The following EXOC6B variants were observed in gnomAD, a reference collection of about 807,000 sequenced individuals.
EXOC6B encodes the protein exocyst complex component 6B, also known as SEC15 homolog B.
A neutral mutation model predicts 113.5 loss-of-function variants in EXOC6B; 54 were observed. The observed-to-expected ratio is 0.48, with a 90% CI of 0.38 to 0.60. The LOEUF is 0.60. Among genes scored for constraint, EXOC6B ranks in the 20% least tolerant of loss-of-function variants. EXOC6B has a pLI of 0.00. For missense variants in EXOC6B, 797 were observed against 977.5 expected (o/e 0.82, Z 2.46); for synonymous variants, 357 against 339.0 (o/e 1.05, Z -0.58).
At chr2:72,455,602 T>C (rs535222105) in intron 18 of EXOC6B, among the ~76,000 whole-genome samples, 1 of 152,312 alleles carries the variant, frequency 6.6e-6, no homozygotes, top group East Asian at 1.9e-4. Context: ...ATGAATAGTT[T>C]TTGACACAAT....
chr2:72,704,538 A>G (rs1045924586), intron 6 of EXOC6B, among the ~76,000 whole-genome samples: 7 of 151,712 alleles, frequency 4.6e-5, no homozygotes, highest in African/African-American at 9.7e-5. Flanking sequence ...TGAATCCAGG[A>G]GCTGGTTTTT....
Position 72,514,626 on chromosome 2 carries a change from A to ACC in EXOC6B, c.1046+7_1046+8insGG. ...AATAAATATATATATATATATATATATACCTACCCTACAATTTGATTAAAA... is the reference window on the plus strand; with the variant it reads ...AATAAATATATATATATATATATATACCTACCTACCCTACAATTTGATTAAAA... On this transcript the variant is annotated splice_region_variant and intron_variant, in intron 10 of 21. Transcript: ENST00000272427. The ACC allele has an allele frequency of 3.0e-6, 2 of 662,948 alleles. No individual in the cohort carries two copies. Among genetic ancestry groups the ACC allele is most frequent in the Non-Finnish European group, 4.9e-6 (2 of 408,850 alleles). The allele number at this position is 662,948 out of a possible 1,614,324, so 41.1% of individuals were successfully genotyped here.
intron 6 of EXOC6B, among the ~76,000 whole-genome samples, chr2:72,615,472 A>T (rs1241609165): frequency 6.6e-6 from 1 of 151,988 alleles, no homozygotes; most frequent in African/African-American, 2.4e-5. Context: ...ATAGGTTCAG[A>T]GCTACTCCAG....
intron 17 of EXOC6B, among the ~76,000 whole-genome samples, chr2:72,477,391 T>G (rs540438722): frequency 4.6e-5 from 7 of 152,272 alleles, no homozygotes; most frequent in African/African-American, 1.7e-4. Flanking sequence ...ACACACCCAA[T>G]CTAGTACTAA....
chr2:72,812,706 TA>T (rs1397634411), intron 1 of EXOC6B, among the ~76,000 whole-genome samples: 2 of 151,578 alleles, frequency 1.3e-5, no homozygotes, highest in African/African-American at 4.8e-5. Context: ...AATAAATAAA[TA>T]AAAATTTATA....
intron 20 of EXOC6B, among the ~76,000 whole-genome samples, chr2:72,280,989 TA>T (rs1432082728): frequency 3.3e-5 from 5 of 151,902 alleles, no homozygotes; most frequent in Non-Finnish European, 7.4e-5. Flanking sequence ...AGAAAATGGC[TA>T]AAAAATAGAG....
intron 20 of EXOC6B, among the ~76,000 whole-genome samples, chr2:72,334,636 T>C (rs1245101959): frequency 6.6e-6 from 1 of 152,156 alleles, no homozygotes; most frequent in Non-Finnish European, 1.5e-5. Context: ...GAGTTATCTT[T>C]TTGCTATGTC....
intron 20 of EXOC6B, among the ~76,000 whole-genome samples, chr2:72,317,019 G>A (rs2104812449): frequency 6.6e-6 from 1 of 152,286 alleles, no homozygotes; most frequent in African/African-American, 2.4e-5. Flanking sequence ...CTTACATGGG[G>A]AAGAGTGACA....
At chr2:72,375,437 G>A (rs758406758) in intron 19 of EXOC6B, among the ~76,000 whole-genome samples, 2 of 151,958 alleles carry the variant, frequency 1.3e-5, no homozygotes, top group South Asian at 2.1e-4. Context: ...AAATTTAGAA[G>A]AACTGAAATT....
chr2:72,728,444 A>C (rs551060614), intron 5 of EXOC6B, among the ~76,000 whole-genome samples: 2 of 152,224 alleles, frequency 1.3e-5, no homozygotes, highest in Non-Finnish European at 2.9e-5. Context: ...ACTGTCTGTC[A>C]TAACTACTGG....
At chr2:72,511,217 A>G (rs904485792) in intron 11 of EXOC6B, among the ~76,000 whole-genome samples, 1 of 152,146 alleles carries the variant, frequency 6.6e-6, no homozygotes, top group Non-Finnish European at 1.5e-5. Context: ...TCAAACCCAC[A>G]TACATATTAA....
intron 6 of EXOC6B, among the ~76,000 whole-genome samples, chr2:72,677,633 C>T (rs1676408539): frequency 6.6e-6 from 1 of 152,132 alleles, no homozygotes; most frequent in Non-Finnish European, 1.5e-5. Context: ...CAGTTTACTT[C>T]CTAACTCCTA....
intron 18 of EXOC6B, among the ~76,000 whole-genome samples, chr2:72,396,700 A>G (rs780144934): frequency 9.9e-5 from 15 of 152,114 alleles, no homozygotes; most frequent in Non-Finnish European, 2.1e-4. Flanking sequence ...ATGTTAGAAT[A>G]TGGTTTCCCT....
chr2:72,574,049 G>C (rs1704675726), intron 7 of EXOC6B, among the ~76,000 whole-genome samples: 2 of 151,356 alleles, frequency 1.3e-5, no homozygotes, highest in African/African-American at 4.9e-5. Context: ...CCAGGAGGCG[G>C]AGCTTGCAGT....
At chr2:72,268,914 C>T (rs1025029045) in intron 20 of EXOC6B, among the ~76,000 whole-genome samples, 1 of 152,090 alleles carries the variant, frequency 6.6e-6, no homozygotes, top group African/African-American at 2.4e-5. Flanking sequence ...AACAATGAAC[C>T]AATTAAACCT....
intron 20 of EXOC6B, among the ~76,000 whole-genome samples, chr2:72,309,147 T>G (rs1687054494): frequency 1.3e-5 from 2 of 152,084 alleles, no homozygotes; most frequent in Non-Finnish European, 2.9e-5. Context: ...CTGCTTTCAT[T>G]TTTCTTTATT....
chr2:72,702,264 T>C (rs1232015743), intron 6 of EXOC6B, among the ~76,000 whole-genome samples: 1 of 151,400 alleles, frequency 6.6e-6, no homozygotes, highest in Non-Finnish European at 1.5e-5. Flanking sequence ...TCATTTTTTA[T>C]GGCTACATAG....
At chr2:72,312,111 T>G (rs113166613) in intron 20 of EXOC6B, among the ~76,000 whole-genome samples, 2,921 of 152,274 alleles carry the variant, frequency 0.019, 85 homozygotes, top group African/African-American at 0.064. Context: ...AGCTGAACAT[T>G]CAGAGACCTT....
intron 18 of EXOC6B, among the ~76,000 whole-genome samples, chr2:72,380,612 G>A (rs1691623187): frequency 6.6e-6 from 1 of 151,946 alleles, no homozygotes; most frequent in African/African-American, 2.4e-5. Flanking sequence ...CCAGCCTGGG[G>A]GACAGAGAGA....
Sources: allele counts gnomAD v4.1 joint callset (sites outside exome capture counted in the v4.1 genomes callset), GRCh38; gene constraint gnomAD v4.1.1; transcripts MANE v1.5; gene names NCBI Gene and HGNC (gene_info 2026-07-23, HGNC 2026-07-21).